Variants in MYO5C observed in about 807,000 individuals in gnomAD.
The protein encoded by MYO5C is myosin VC, also known as unconventional myosin-Vc.
In MYO5C, 194 loss-of-function variants were observed where a neutral mutation model predicts 235.7. That is an observed-to-expected ratio of 0.82 (90% CI 0.73 to 0.93). MYO5C has a LOEUF of 0.93. Among genes scored for constraint, MYO5C ranks in the 40% least tolerant of loss-of-function variants. MYO5C has a pLI of 0.00. For missense variants in MYO5C, 2,038 were observed against 2,127.2 expected (o/e 0.96, Z 0.82); for synonymous variants, 707 against 754.8 (o/e 0.94, Z 1.04).
chr15:52,275,532 C>T, intron 5 of MYO5C, 30 bp downstream of exon 5: 2 of 1,612,552 alleles, frequency 1.2e-6, no homozygotes, highest in Middle Eastern at 1.7e-4. Context: ...CCATCACCAA[C>T]ACCCAGCTGC....
At chr15:52,214,821 A>G (rs1385347968) in intron 32 of MYO5C, 131 bp from the exon 33 acceptor site, 1 of 543,080 alleles carries the variant, frequency 1.8e-6, no homozygotes, top group Non-Finnish European at 3.2e-6. Context: ...TGTAAACTCA[A>G]AGGTTTTTTA....
Position 52,196,487 on chromosome 15 carries a change from G to A in MYO5C, c.4821-4C>T, listed in dbSNP as rs1250054341. 1.2e-6 allele frequency: 2 copies of A among 1,611,718 alleles called. No homozygotes were observed. The highest frequency in any genetic ancestry group is 8.5e-7 in the Non-Finnish European group (1 of 1,178,932). On this transcript the variant is annotated splice_region_variant and splice_polypyrimidine_tract_variant and intron_variant, in intron 38 of 40. Transcript: ENST00000261839. ...TTCTAAGTAGCTGATATTGCACCTG[G>A]AGGGAAAGGCAGAAGAACAGAGAAT... is the stretch of plus-strand genomic sequence containing the variant.
chr15:52,279,057 G>C lies in MYO5C; in HGVS notation c.305-40C>G, dbSNP rs373389810. ...TAGATGCAGTTAAAATACTCTTACTGCCACCTGCATCTCCAGTTTTTTTTT... is the reference window on the plus strand; with the variant it reads ...TAGATGCAGTTAAAATACTCTTACTCCCACCTGCATCTCCAGTTTTTTTTT... On this transcript the variant is annotated intron_variant, in intron 3 of 40. Coordinates refer to ENST00000261839, the MANE Select transcript of MYO5C (RefSeq NM_018728.4). The C allele has an allele frequency of 1.7e-5, 27 of 1,563,250 alleles. No homozygotes were observed. In the African/African-American group the frequency reaches 3.0e-4, roughly 18 times the overall value.
At chr15:52,217,778 A>T (rs2035588572) in intron 32 of MYO5C, among the ~76,000 whole-genome samples, 1 of 152,192 alleles carries the variant, frequency 6.6e-6, no homozygotes, top group African/African-American at 2.4e-5. Context: ...GGGCCCTGTC[A>T]GCAGGGAGAA....
intron 23 of MYO5C, 28 bp downstream of exon 23, chr15:52,235,642 G>A: frequency 6.5e-7 from 1 of 1,546,720 alleles, no homozygotes; most frequent in Non-Finnish European, 8.9e-7. Flanking sequence ...ATCAGTGAAT[G>A]TCTGGATTTG....
intron 1 of MYO5C, among the ~76,000 whole-genome samples, chr15:52,283,154 C>T (rs1290698554): frequency 2.0e-5 from 3 of 152,098 alleles, no homozygotes; most frequent in Non-Finnish European, 2.9e-5. Flanking sequence ...GAAAGAAATC[C>T]GCGAGTCCCT....
chr15:52,290,099 C>T (rs1158340380), intron 1 of MYO5C, among the ~76,000 whole-genome samples: 1 of 152,058 alleles, frequency 6.6e-6, no homozygotes, highest in African/African-American at 2.4e-5. Context: ...TGCTCCTCCC[C>T]CAGGTATCTA....
At chr15:52,295,546 C>T (rs2140881225) in intron 1 of MYO5C, 64 bp downstream of exon 1, 1 of 1,487,446 alleles carries the variant, frequency 6.7e-7, no homozygotes. Context: ...GGCGCCAGGT[C>T]GAGTCAGCGT....
chr15:52,260,224 G>A (rs1228163990), intron 10 of MYO5C, among the ~76,000 whole-genome samples: 1 of 152,228 alleles, frequency 6.6e-6, no homozygotes, highest in Non-Finnish European at 1.5e-5. Flanking sequence ...ACTCCAGGGT[G>A]GGATGAAGGG....
chr15:52,224,453 C>T (rs1016503678), intron 28 of MYO5C, among the ~76,000 whole-genome samples: 3 of 152,174 alleles, frequency 2.0e-5, no homozygotes, highest in African/African-American at 7.2e-5. Flanking sequence ...ATAGTAAACA[C>T]ATCACTGTGG....
chr15:52,263,243 T>C (rs947527770), intron 9 of MYO5C, among the ~76,000 whole-genome samples: 31 of 152,202 alleles, frequency 2.0e-4, no homozygotes. Context: ...AGATTCTGTG[T>C]TTCATAGAAA....
intron 1 of MYO5C, among the ~76,000 whole-genome samples, chr15:52,286,297 C>T (rs2037269697): frequency 6.6e-6 from 1 of 151,140 alleles, no homozygotes; most frequent in Non-Finnish European, 1.5e-5. Context: ...CGGCCAGCCG[C>T]CCCGTCCGGG....
At chr15:52,277,095 A>G (rs1566991468) in intron 4 of MYO5C, 1 of 482,670 alleles carries the variant, frequency 2.1e-6, no homozygotes, top group Non-Finnish European at 4.3e-6. Flanking sequence ...AAGAGAGAAG[A>G]TGAAGACTCT....
At chr15:52,199,671 T>A (rs2035140096) in intron 38 of MYO5C, among the ~76,000 whole-genome samples, 1 of 152,134 alleles carries the variant, frequency 6.6e-6, no homozygotes, top group Admixed American at 6.5e-5. Flanking sequence ...CCCTACCTTT[T>A]CCCTCTCCTT....
Position 52,197,636 on chromosome 15 carries a change from A to G in MYO5C, c.4821-1153T>C, listed in dbSNP as rs182488072. Among the ~76,000 whole-genome samples the G allele has an allele frequency of 1.9e-3, 291 of 152,168 alleles. 1 individual carries two copies. Among genetic ancestry groups the G allele is most frequent in the African/African-American group, 6.7e-3 (279 of 41,526 alleles). The stretch of plus-strand genomic sequence containing the variant: ...ATTGAACTATACACTTTATTTACTC[A>G]TTTATTTATTTTTGAGATGGAGTCT... On this transcript the variant is annotated intron_variant, in intron 38 of 40. Coordinates refer to ENST00000261839, the MANE Select transcript of MYO5C (RefSeq NM_018728.4).
rs757157140 is a variant in MYO5C, at chr15:52,256,629, G to A, written c.1395+10C>T. The A allele has an allele frequency of 2.6e-6, 4 of 1,560,668 alleles. No individual in the cohort carries two copies. The African/African-American group carries it at 5.5e-5, about 21-fold the overall frequency. ...TGAGAACTAGTCAAGAAGGCAGAAA[G>A]GTCACCTACCATGTTAAACTGTTGT... On this transcript the variant is annotated intron_variant, in intron 11 of 40. Transcript: ENST00000261839.
At chr15:52,241,036 C>T (rs1319256909) in intron 20 of MYO5C, among the ~76,000 whole-genome samples, 1 of 152,184 alleles carries the variant, frequency 6.6e-6, no homozygotes, top group Non-Finnish European at 1.5e-5. Flanking sequence ...AAACTCATCT[C>T]ATCACCCTTT....
At position 52,232,235 on chromosome 15, in the gene MYO5C, A is replaced by AAGAAGGAAGGAG. The variant is rs1566971581; in HGVS notation, c.3026+386_3026+387insCTCCTTCCTTCT. Among the ~76,000 whole-genome samples, 12 of 15,146 alleles carry AAGAAGGAAGGAG rather than the reference A, an allele frequency of 7.9e-4. 3 individuals are homozygous for AAGAAGGAAGGAG. Among genetic ancestry groups the AAGAAGGAAGGAG allele is most frequent in the East Asian group, 2.8e-3 (5 of 1,806 alleles). 9.9% of individuals were successfully genotyped at this position (15,146 alleles called of 152,430 possible). A position where few individuals can be genotyped will look rare whatever the true frequency, so the allele number is the denominator to read the frequency against. ...AAGAAAGAAAATGAAAGAAAGAAGA[A>AAGAAGGAAGGAG]AGAAAGAAGGAAGGAGAGAAGGAAG... On this transcript the variant is annotated intron_variant, in intron 24 of 40. Transcript: ENST00000261839.
intron 5 of MYO5C, among the ~76,000 whole-genome samples, chr15:52,273,487 C>A (rs534009758): frequency 6.6e-6 from 1 of 152,222 alleles, no homozygotes; most frequent in Non-Finnish European, 1.5e-5. Context: ...TAAGGTGGGC[C>A]TTTGGGAAGT....
Sources: gnomAD v4.1 joint callset for allele counts (sites outside exome capture counted in the v4.1 genomes callset) on GRCh38, gnomAD v4.1.1 for gene constraint, MANE v1.5 for transcripts, NCBI Gene and HGNC (gene_info 2026-07-23, HGNC 2026-07-21) for gene names.